The following PRKCE variants were observed in gnomAD, a reference collection of about 807,000 sequenced individuals.
PRKCE encodes protein kinase C epsilon, also known as protein kinase C epsilon type.
PRKCE carries 16 observed loss-of-function variants against 85.4 expected under a neutral mutation model. The observed-to-expected ratio is 0.19, with a 90% CI of 0.13 to 0.28. The LOEUF (loss-of-function observed/expected upper bound fraction) is 0.28, where lower values mean the gene tolerates loss of function less well. Among genes scored for constraint, PRKCE ranks in the 10% least tolerant of loss-of-function variants. PRKCE has a pLI of 1.00. For missense variants in PRKCE, 573 were observed against 975.2 expected (o/e 0.59, Z 5.49); for synonymous variants, 388 against 371.5 (o/e 1.04, Z -0.51).
rs555609735 is a variant in PRKCE at position 46,134,131 on chromosome 2, G to A, written c.1593-10962G>A. Among the ~76,000 whole-genome samples the A allele has an allele frequency of 3.3e-5, 5 of 152,318 alleles. No individual in the cohort carries two copies. In the South Asian group the frequency reaches 6.2e-4, roughly 19 times the overall value. ...CATTCCATACATTATCTGGAAATGT[G>A]TGTTCACATCATCTGGCTGCTTGGG... is the stretch of plus-strand genomic sequence containing the variant. On this transcript the variant is annotated intron_variant, in intron 11 of 14. Coordinates refer to ENST00000306156, the MANE Select transcript of PRKCE (RefSeq NM_005400.3).
intron 2 of PRKCE, among the ~76,000 whole-genome samples, chr2:45,857,360 C>T (rs546937807): frequency 1.3e-4 from 20 of 152,190 alleles, no homozygotes; most frequent in Non-Finnish European, 2.6e-4. Context: ...GGTAATATTT[C>T]CAGCAGTTTG....
At chr2:46,166,469 C>A (rs1678350775) in intron 14 of PRKCE, among the ~76,000 whole-genome samples, 1 of 152,234 alleles carries the variant, frequency 6.6e-6, no homozygotes, top group South Asian at 2.1e-4. Context: ...GGCTGGAGGG[C>A]ATGGGAAAAG....
chr2:45,726,462 A>T (rs1681080184), intron 1 of PRKCE, among the ~76,000 whole-genome samples: 1 of 152,226 alleles, frequency 6.6e-6, no homozygotes, highest in Non-Finnish European at 1.5e-5. Flanking sequence ...AGCAGCAAAA[A>T]GATTACAACG....
chr2:45,761,142 A>C lies in PRKCE; in HGVS notation c.349-81858A>C, dbSNP rs573869183. Among the ~76,000 whole-genome samples the C allele has an allele frequency of 8.4e-4, 128 of 152,174 alleles. 1 individual carries two copies. The highest frequency in any genetic ancestry group is 1.3e-3 in the Non-Finnish European group (90 of 68,006). ...GGAGATTGAGACCATCTTGGCTAACACGGTGAAACCTCGTCTCTACTAAAA... is the reference window on the plus strand; with the variant it reads ...GGAGATTGAGACCATCTTGGCTAACCCGGTGAAACCTCGTCTCTACTAAAA... On this transcript the variant is annotated intron_variant, in intron 1 of 14. Transcript: ENST00000306156.
chr2:46,164,833 G>A (rs1239223407), intron 14 of PRKCE: 2 of 152,330 alleles, frequency 1.3e-5, no homozygotes, highest in Non-Finnish European at 2.9e-5. Flanking sequence ...GGACCCCTGG[G>A]TCACCACCAC....
chr2:45,794,155 A>G (rs779903321), intron 1 of PRKCE, among the ~76,000 whole-genome samples: 1 of 152,084 alleles, frequency 6.6e-6, no homozygotes, highest in Non-Finnish European at 1.5e-5. Flanking sequence ...ACTCTTCCTC[A>G]GGAGTGTGGC....
At chr2:45,680,127 C>G (rs573061881) in intron 1 of PRKCE, among the ~76,000 whole-genome samples, 1 of 152,084 alleles carries the variant, frequency 6.6e-6, no homozygotes, top group African/African-American at 2.4e-5. Context: ...ATTCACAGAC[C>G]AGGGCTAGCT....
chr2:46,100,364 C>G (rs1173882801), intron 11 of PRKCE, among the ~76,000 whole-genome samples: 9 of 151,846 alleles, frequency 5.9e-5, no homozygotes, highest in Non-Finnish European at 1.3e-4. Context: ...AGTCCTCCCT[C>G]TTAACCAAAA....
chr2:46,054,130 T>C (rs1007486781), intron 10 of PRKCE, among the ~76,000 whole-genome samples: 1 of 152,236 alleles, frequency 6.6e-6, no homozygotes, highest in African/African-American at 2.4e-5. Flanking sequence ...GCAGGCTGTG[T>C]CCCTGGCACT....
chr2:46,000,432 G>A (rs761973213), intron 6 of PRKCE, among the ~76,000 whole-genome samples: 1 of 146,514 alleles, frequency 6.8e-6, no homozygotes, highest in African/African-American at 2.6e-5. Context: ...GATCAGTCGG[G>A]GTCTGATAAA....
intron 1 of PRKCE, among the ~76,000 whole-genome samples, chr2:45,839,753 C>T (rs887481988): frequency 2.0e-5 from 3 of 152,348 alleles, no homozygotes; most frequent in Non-Finnish European, 2.9e-5. Flanking sequence ...GTGACCCCTC[C>T]AGTCGTTGAA....
chr2:46,128,632 C>T (rs1674104802), intron 11 of PRKCE, among the ~76,000 whole-genome samples: 1 of 152,246 alleles, frequency 6.6e-6, no homozygotes, highest in Non-Finnish European at 1.5e-5. Context: ...CATAGGAGCT[C>T]CCTGTTTTGG....
At chr2:45,849,670 C>T (rs1692086519) in intron 2 of PRKCE, among the ~76,000 whole-genome samples, 1 of 152,168 alleles carries the variant, frequency 6.6e-6, no homozygotes, top group South Asian at 2.1e-4. Context: ...ACTCCCTAGA[C>T]ATGCATGGAC....
At chr2:45,977,304 G>A (rs1452872292) in intron 3 of PRKCE, among the ~76,000 whole-genome samples, 2 of 152,110 alleles carry the variant, frequency 1.3e-5, no homozygotes, top group Non-Finnish European at 2.9e-5. Context: ...TTATTTACAA[G>A]TGAAATTATC....
chr2:46,113,557 C>G (rs1307536396), intron 11 of PRKCE, among the ~76,000 whole-genome samples: 1 of 152,162 alleles, frequency 6.6e-6, no homozygotes, highest in East Asian at 1.9e-4. Flanking sequence ...GGGAGAAGTA[C>G]TTTGGACCTG....
At chr2:46,037,998 G>T (rs918715179) in intron 10 of PRKCE, among the ~76,000 whole-genome samples, 1 of 152,234 alleles carries the variant, frequency 6.6e-6, no homozygotes, top group East Asian at 1.9e-4. Flanking sequence ...TTGTTTTAAC[G>T]CTGGGATGCA....
intron 1 of PRKCE, among the ~76,000 whole-genome samples, chr2:45,820,744 A>C (rs982318676): frequency 8.5e-5 from 13 of 152,122 alleles, no homozygotes; most frequent in Non-Finnish European, 1.8e-4. Context: ...GATCATTCCC[A>C]ACTTTCTGTT....
chr2:45,843,315 G>A (rs768926441), intron 2 of PRKCE, among the ~76,000 whole-genome samples: 10 of 152,246 alleles, frequency 6.6e-5, no homozygotes, highest in Non-Finnish European at 1.0e-4. Flanking sequence ...GTTTTTGCAC[G>A]CTGTGTGCAA....
intron 2 of PRKCE, among the ~76,000 whole-genome samples, chr2:45,940,528 G>T (rs946225182): frequency 6.6e-6 from 1 of 152,164 alleles, no homozygotes; most frequent in African/African-American, 2.4e-5. Context: ...GTCAGTCAAA[G>T]AAATGGAAGA....
Sources: gnomAD v4.1 joint callset for allele counts (sites outside exome capture counted in the v4.1 genomes callset) on GRCh38, gnomAD v4.1.1 for gene constraint, MANE v1.5 for transcripts, NCBI Gene and HGNC (gene_info 2026-07-23, HGNC 2026-07-21) for gene names.